The following NFKB1 variants were observed in gnomAD, a reference collection of about 807,000 sequenced individuals.
NFKB1 encodes the protein nuclear factor kappa B subunit 1.
A neutral mutation model predicts 105.1 loss-of-function variants in NFKB1; 9 were observed. That is an observed-to-expected ratio of 0.09 (90% CI 0.05 to 0.15). The LOEUF (loss-of-function observed/expected upper bound fraction) is 0.15, where lower values mean the gene tolerates loss of function less well. Among genes scored for constraint, NFKB1 ranks in the 10% least tolerant of loss-of-function variants. NFKB1 has a pLI of 1.00. For synonymous variants in NFKB1, 440 were observed against 442.2 expected, an observed-to-expected ratio of 1.00 and a Z score of 0.06; for missense variants, 830 against 1,203.7, an observed-to-expected ratio of 0.69 and a Z score of 4.59.
intron 11 of NFKB1, among the ~76,000 whole-genome samples, chr4:102,588,002 T>G (rs1725854759): frequency 6.6e-6 from 1 of 152,162 alleles, no homozygotes; most frequent in Non-Finnish European, 1.5e-5. Context: ...TCATTCCCTA[T>G]CTCATTGCCT....
intron 13 of NFKB1, among the ~76,000 whole-genome samples, chr4:102,595,695 A>G (rs533929171): frequency 6.6e-6 from 1 of 152,348 alleles, no homozygotes; most frequent in East Asian, 1.9e-4. Flanking sequence ...GTCAGATAAC[A>G]TAGTTGAACC....
rs1257118668 is a variant in NFKB1, at chr4:102,594,986, G to A, written c.1300+5G>A. The A allele has an allele frequency of 6.3e-7, 1 of 1,582,136 alleles. No homozygotes were observed. Among genetic ancestry groups the A allele is most frequent in the Non-Finnish European group, 8.7e-7 (1 of 1,153,418 alleles). On this transcript the variant is annotated splice_donor_5th_base_variant and intron_variant, in intron 13 of 23. Coordinates refer to ENST00000226574, the MANE Select transcript of NFKB1 (RefSeq NM_003998.4). ...CTAATGCTGGGATGAAGCATGGTAA[G>A]TAATGCTTTGTTCTTAATACCAAGA...
At chr4:102,541,140 C>T (rs1741972769) in intron 5 of NFKB1, among the ~76,000 whole-genome samples, 1 of 152,158 alleles carries the variant, frequency 6.6e-6, no homozygotes, top group Non-Finnish European at 1.5e-5. Flanking sequence ...GACCTTGACT[C>T]ACTAGATGCT....
At chr4:102,539,852 G>A (rs941076973) in intron 5 of NFKB1, among the ~76,000 whole-genome samples, 1 of 152,096 alleles carries the variant, frequency 6.6e-6, no homozygotes, top group African/African-American at 2.4e-5. Flanking sequence ...GGTACTGGGG[G>A]CAGGGAGATA....
At chr4:102,597,040 T>C (rs1455861700) in intron 14 of NFKB1, among the ~76,000 whole-genome samples, 1 of 152,166 alleles carries the variant, frequency 6.6e-6, no homozygotes, top group Non-Finnish European at 1.5e-5. Context: ...CTGACCTTAA[T>C]GGAACAAACT....
intron 5 of NFKB1, among the ~76,000 whole-genome samples, chr4:102,563,775 G>A (rs1723624450): frequency 6.8e-6 from 1 of 147,870 alleles, no homozygotes; most frequent in Admixed American, 6.7e-5. Flanking sequence ...TGAGTACTCA[G>A]TTTTGTCACC....
rs1429553808 is a variant in NFKB1 at position 102,501,565 on chromosome 4, G to A, written c.-231G>A. The A allele has an allele frequency of 6.8e-6, 1 of 146,666 alleles. No individual in the cohort carries two copies. Among genetic ancestry groups the A allele is most frequent in the Admixed American group, 6.8e-5 (1 of 14,762 alleles). 9.1% of individuals were successfully genotyped at this position (146,666 alleles called of 1,614,324 possible). A position where few individuals can be genotyped will look rare whatever the true frequency, so the allele number is the denominator to read the frequency against. ...GGCCAGTAAGGCGGCGCCGCCGCCC[G>A]GCCACCGCGCGCCCTGCGCTTCCCT... On this transcript the variant is annotated 5_prime_UTR_variant, in exon 1 of 24. Coordinates refer to ENST00000226574, the MANE Select transcript of NFKB1 (RefSeq NM_003998.4).
intron 5 of NFKB1, among the ~76,000 whole-genome samples, chr4:102,555,740 CGTGGAAGGCAAGGGTG>C: frequency 6.6e-6 from 1 of 152,122 alleles, no homozygotes; most frequent in East Asian, 1.9e-4. Context: ...ATGAAGAGCA[CGTGGAAGGCAAGGGTG>C]GTAAGAAGGC....
intron 9 of NFKB1, among the ~76,000 whole-genome samples, 173 bp downstream of exon 9, chr4:102,580,812 T>C (rs1174169283): frequency 6.6e-6 from 1 of 152,248 alleles, no homozygotes; most frequent in African/African-American, 2.4e-5. Context: ...TTGTCTGTGT[T>C]ATTTTTTCCT....
At chr4:102,572,047 C>A (rs1450424231) in intron 6 of NFKB1, among the ~76,000 whole-genome samples, 2 of 152,134 alleles carry the variant, frequency 1.3e-5, no homozygotes, top group Non-Finnish European at 2.9e-5. Flanking sequence ...ATGTTTATTG[C>A]AGCATTATTC....
chr4:102,521,090 TAAAC>T (rs1740541511), intron 1 of NFKB1, among the ~76,000 whole-genome samples: 1 of 152,216 alleles, frequency 6.6e-6, no homozygotes, highest in African/African-American at 2.4e-5. Context: ...TAATTATAAT[TAAAC>T]AATCTGTTAT....
Position 102,523,192 on chromosome 4 carries a change from A to G in NFKB1, c.-7-2320A>G, listed in dbSNP as rs532879529. Among the ~76,000 whole-genome samples, 6 of 152,314 alleles carry G rather than the reference A, an allele frequency of 3.9e-5. No homozygotes were observed. The South Asian group carries it at 1.2e-3, about 32-fold the overall frequency. On this transcript the variant is annotated intron_variant, in intron 1 of 23. Transcript: ENST00000226574. ...CAGCATGATAGAACTCTTAAATTTC[A>G]AGCGACTTACCCTCTTTACTCTATC...
rs1191895019 is a variant in NFKB1, at chr4:102,501,638, C to A, written c.-158C>A. ...GCGGCGCTGACTGGCCTGGCCCGGC[C>A]CCGCCGCGCTCCCGCTCGCCCCGAC... On this transcript the variant is annotated 5_prime_UTR_variant, in exon 1 of 24. Coordinates refer to ENST00000226574, the MANE Select transcript of NFKB1 (RefSeq NM_003998.4). 1 of 149,680 alleles carries A rather than the reference C, an allele frequency of 6.7e-6. No homozygotes were observed. Among genetic ancestry groups the A allele is most frequent in the Non-Finnish European group, 1.5e-5 (1 of 67,348 alleles). The allele number at this position is 149,680 out of a possible 1,614,324, so 9.3% of individuals were successfully genotyped here. A position where few individuals can be genotyped will look rare whatever the true frequency, so the allele number is the denominator to read the frequency against.
chr4:102,536,144 TG>T (rs780263206), intron 4 of NFKB1, among the ~76,000 whole-genome samples: 1 of 152,190 alleles, frequency 6.6e-6, no homozygotes. Flanking sequence ...ATACATGTGT[TG>T]TTTTTTTCAT....
chr4:102,590,091 C>T (rs781201562), intron 11 of NFKB1, among the ~76,000 whole-genome samples: 3 of 152,120 alleles, frequency 2.0e-5, no homozygotes, highest in Non-Finnish European at 4.4e-5. Context: ...GTTACAGATC[C>T]CTTGGTTACT....
At chr4:102,581,108 A>G (rs1319775711) in intron 9 of NFKB1, among the ~76,000 whole-genome samples, 1 of 152,252 alleles carries the variant, frequency 6.6e-6, no homozygotes, top group Non-Finnish European at 1.5e-5. Context: ...AGAAAAGGAA[A>G]GAAAACAGGG....
chr4:102,508,530 A>T (rs956497834), intron 1 of NFKB1, among the ~76,000 whole-genome samples: 1 of 152,170 alleles, frequency 6.6e-6, no homozygotes, highest in Non-Finnish European at 1.5e-5. Flanking sequence ...TAGGAAAAAA[A>T]TTTTTAGTGT....
chr4:102,612,373 A>G (rs2149230575), intron 21 of NFKB1, 61 bp from the exon 22 acceptor site: 1 of 1,532,894 alleles, frequency 6.5e-7, no homozygotes, highest in Admixed American at 1.7e-5. Flanking sequence ...AGCAATGATC[A>G]GTCCCTCCAG....
At chr4:102,604,928 G>A (rs1460053219) in intron 16 of NFKB1, among the ~76,000 whole-genome samples, 1 of 149,422 alleles carries the variant, frequency 6.7e-6, no homozygotes, top group African/African-American at 2.5e-5. Context: ...GAACTAGAAG[G>A]TTTATATCAT....
Sources: allele counts gnomAD v4.1 joint callset (sites outside exome capture counted in the v4.1 genomes callset), GRCh38; gene constraint gnomAD v4.1.1; transcripts MANE v1.5; gene names NCBI Gene and HGNC (gene_info 2026-07-23, HGNC 2026-07-21).